Variants in GIPC3 observed in about 807,000 individuals in gnomAD.
The protein encoded by GIPC3 is PDZ domain-containing protein GIPC3.
Under a neutral mutation model 27.3 loss-of-function variants are expected in GIPC3, and 16 were observed. The ratio of observed to expected loss-of-function variants is 0.59; its 90% confidence interval spans 0.40 to 0.89. The LOEUF (loss-of-function observed/expected upper bound fraction) is 0.89. GIPC3 is among the 40% of genes least tolerant of loss of function. GIPC3 has a pLI of 0.00. For synonymous variants in GIPC3, 194 were observed against 184.6 expected, an observed-to-expected ratio of 1.05 and a Z score of -0.41; for missense variants, 440 against 442.1, an observed-to-expected ratio of 1.00 and a Z score of 0.04.
intron 3 of GIPC3, among the ~76,000 whole-genome samples, chr19:3,587,840 G>A (rs1244616798): frequency 4.0e-5 from 6 of 151,184 alleles, no homozygotes; most frequent in South Asian, 2.1e-4. Flanking sequence ...ACAGGCGCCC[G>A]CCACCACACC....
rs1023153068 is a variant in GIPC3, at chr19:3,593,541, A to G, written c.*3351A>G. 7 of 381,730 alleles carry G rather than the reference A, an allele frequency of 1.8e-5. No individual in the cohort carries two copies. The highest frequency in any genetic ancestry group is 4.1e-5 in the African/African-American group (2 of 48,264). The allele number at this position is 381,730 out of a possible 1,614,324, so 23.6% of individuals were successfully genotyped here. A position where few individuals can be genotyped will look rare whatever the true frequency, so the allele number is the denominator to read the frequency against. On this transcript the variant is annotated 3_prime_UTR_variant, in exon 6 of 6. Transcript: ENST00000644452. The stretch of plus-strand genomic sequence containing the variant: ...GAATAAAGGCACCTTCCATCTCTGC[A>G]GCCTGGTGTGTCATTTTGGGGGAAG...
intron 3 of GIPC3, 126 bp downstream of exon 3, chr19:3,587,120 C>CT: frequency 2.5e-6 from 2 of 804,404 alleles, no homozygotes; most frequent in Non-Finnish European, 4.0e-6. Context: ...CAAGGAGCTC[C>CT]TGGCAGGGTA....
rs1430401513 is a variant in GIPC3, at chr19:3,592,928, C to T, written c.*2738C>T. 4.9e-6 allele frequency: 6 copies of T among 1,229,134 alleles called. No homozygotes were observed. The highest frequency in any genetic ancestry group is 4.7e-5 in the African/African-American group (3 of 64,228). The allele number at this position is 1,229,134 out of a possible 1,614,324, so 76.1% of individuals were successfully genotyped here. A position where few individuals can be genotyped will look rare whatever the true frequency, so the allele number is the denominator to read the frequency against. ...CCCCTGCCCCAGCCCAACCTCAGCC[C>T]CCAGGCCCATCCCCCAGAGACCCCA... On this transcript the variant is annotated 3_prime_UTR_variant, in exon 6 of 6. Coordinates refer to ENST00000644452, the MANE Select transcript of GIPC3 (RefSeq NM_133261.3).
chr19:3,586,526 T>C lies in GIPC3; in HGVS notation c.257T>C (p.Val86Ala), dbSNP rs190475420. Residue 86 changes from valine to alanine, a missense_variant, in exon 2 of 6, where the codon GTG (valine) becomes GCG (alanine). By Grantham distance (64) the Val-to-Ala change is moderately conservative (BLOSUM62 0). Transcript: ENST00000644452. ...TTCTGCACCCTCAACAGCCACAAAG[T>C]GGACATGCAGAAGCTCCTGGGGGGT... ...ILFCTLNSHK[V>A]DMQKLLGGQI... The C allele has an allele frequency of 3.7e-6, 6 of 1,613,784 alleles. No individual in the cohort carries two copies. In the Admixed American group the frequency reaches 6.7e-5, roughly 18 times the overall value.
In GIPC3 at chr19:3,585,811, G is replaced by C. The variant is rs528823465; in HGVS notation, c.214G>C (p.Ala72Pro). Residue 72 changes from alanine to proline, a missense_variant, in exon 1 of 6, where the codon GCG (alanine) becomes CCG (proline). Transcript: ENST00000644452. ...YAKIAEAFGI[A>P]PTEILFCTLN... ...CAAGATCGCCGAAGCCTTCGGGATC[G>C]CGCCCACCGAGGTAAGGAGCCCGGA... The C allele has an allele frequency of 2.6e-6, 4 of 1,545,332 alleles. No individual in the cohort carries two copies. The highest frequency in any genetic ancestry group is 2.5e-5 in the East Asian group (1 of 40,660).
chr19:3,586,545 G>T lies in GIPC3; in HGVS notation c.276G>T (p.Leu92=). 6.2e-7 allele frequency: 1 copy of T among 1,613,592 alleles called. No individual in the cohort carries two copies. Among genetic ancestry groups the T allele is most frequent in the Non-Finnish European group, 8.5e-7 (1 of 1,179,854 alleles). The part of the protein sequence containing the change: ...NSHKVDMQKL[L]GGQIGLEDFI... ...ACAAAGTGGACATGCAGAAGCTCCT[G>T]GGGGGTCAGATAGGCCTGGAGGACT... is the stretch of plus-strand genomic sequence containing the variant. Residue 92 remains leucine (L), a synonymous_variant, in exon 2 of 6, where the codon CTG becomes CTT. Coordinates refer to ENST00000644452, the MANE Select transcript of GIPC3 (RefSeq NM_133261.3).
chr19:3,587,958 C>A (rs201711985), intron 3 of GIPC3, among the ~76,000 whole-genome samples: 2 of 149,964 alleles, frequency 1.3e-5, no homozygotes, highest in African/African-American at 2.5e-5. Context: ...CAAAGTGCTG[C>A]GATTACAGGT....
At chr19:3,588,154 G>T (rs939703444) in intron 3 of GIPC3, among the ~76,000 whole-genome samples, 2 of 151,956 alleles carry the variant, frequency 1.3e-5, no homozygotes, top group African/African-American at 4.8e-5. Context: ...ACAGGCATGT[G>T]CCACCATGCC....
Position 3,590,568 on chromosome 19 carries a change from C to T in GIPC3, c.*378C>T, listed in dbSNP as rs760077433. 1.7e-4 allele frequency: 228 copies of T among 1,336,616 alleles called. No individual in the cohort carries two copies. The highest frequency in any genetic ancestry group is 2.1e-4 in the Non-Finnish European group (217 of 1,048,494). The allele number at this position is 1,336,616 out of a possible 1,614,324, so 82.8% of individuals were successfully genotyped here. On this transcript the variant is annotated 3_prime_UTR_variant, in exon 6 of 6. Coordinates refer to ENST00000644452, the MANE Select transcript of GIPC3 (RefSeq NM_133261.3). The stretch of plus-strand genomic sequence containing the variant: ...TGAGGCCAAGCCCAGCTCTAGAACC[C>T]AGATGAGCTCTGAGACCATGCCCAG...
rs1321208549 is a variant in GIPC3 at position 3,585,672 on chromosome 19, G to T, written c.75G>T (p.Ser25=). Residue 25 remains serine (S), a synonymous_variant, in exon 1 of 6, where the codon TCG becomes TCT. Coordinates refer to ENST00000644452, the MANE Select transcript of GIPC3 (RefSeq NM_133261.3). ...CGTCTGCGCCCCCGCCCGCGCCCTC[G>T]GAGCCCCCGGCCGCGCCCCGCGCCC... ...PRASAPPPAP[S]EPPAAPRARP... is the part of the protein sequence containing the mutation. The T allele has an allele frequency of 1.0e-5, 13 of 1,296,038 alleles. No homozygotes were observed. The highest frequency in any genetic ancestry group is 1.2e-5 in the Non-Finnish European group (12 of 1,020,016). 80.3% of individuals were successfully genotyped at this position (1,296,038 alleles called of 1,614,324 possible).
In GIPC3 at chr19:3,592,450, C is replaced by G; in HGVS notation, c.*2260C>G. The stretch of plus-strand genomic sequence containing the variant: ...CTGATTTCCGGAGCCCAACCCAGCT[C>G]CAGAACTCAGACTAGTTCTGGAAAC... On this transcript the variant is annotated 3_prime_UTR_variant, in exon 6 of 6. Coordinates refer to ENST00000644452, the MANE Select transcript of GIPC3 (RefSeq NM_133261.3). 1 of 1,231,978 alleles carries G rather than the reference C, an allele frequency of 8.1e-7. No individual in the cohort carries two copies. Among genetic ancestry groups the G allele is most frequent in the East Asian group, 3.2e-5 (1 of 31,694 alleles). 76.3% of individuals were successfully genotyped at this position (1,231,978 alleles called of 1,614,324 possible).
rs1000020360 is a variant in GIPC3 at position 3,593,153 on chromosome 19, C to G, written c.*2963C>G. On this transcript the variant is annotated 3_prime_UTR_variant, in exon 6 of 6. Transcript: ENST00000644452. ...GACCCCAGAAGTCCACCCCACCCAC[C>G]ATATCTGTCACTCCTAGTCCTGCCC... is the stretch of plus-strand genomic sequence containing the variant. 8.1e-7 allele frequency: 1 copy of G among 1,232,280 alleles called. No individual in the cohort carries two copies. The highest frequency in any genetic ancestry group is 1.6e-5 in the African/African-American group (1 of 64,414). The allele number at this position is 1,232,280 out of a possible 1,614,324, so 76.3% of individuals were successfully genotyped here. A position where few individuals can be genotyped will look rare whatever the true frequency, so the allele number is the denominator to read the frequency against.
In GIPC3 at chr19:3,592,388, A is replaced by T; in HGVS notation, c.*2198A>T. 4 of 1,231,884 alleles carry T rather than the reference A, an allele frequency of 3.2e-6. No individual in the cohort carries two copies. The South Asian group carries it at 1.6e-4, about 51-fold the overall frequency. 76.3% of individuals were successfully genotyped at this position (1,231,884 alleles called of 1,614,324 possible). A position where few individuals can be genotyped will look rare whatever the true frequency, so the allele number is the denominator to read the frequency against. The stretch of plus-strand genomic sequence containing the variant: ...GGACCCAGATAAGCTCAAGAATTCA[A>T]GCCAGCTCTGGAAGTCAGCTTAGTT... On this transcript the variant is annotated 3_prime_UTR_variant, in exon 6 of 6. Transcript: ENST00000644452.
intron 3 of GIPC3, among the ~76,000 whole-genome samples, chr19:3,587,716 A>C (rs1390554849): frequency 1.4e-3 from 1 of 700 alleles, no homozygotes; most frequent in Non-Finnish European, 3.4e-3. Context: ...TTTGAGACGG[A>C]GTCTAGCTCT....
chr19:3,590,079 C>T lies in GIPC3; in HGVS notation c.828C>T (p.Ala276=), dbSNP rs772373224. The T allele has an allele frequency of 3.7e-6, 6 of 1,611,450 alleles. No individual in the cohort carries two copies. The highest frequency in any genetic ancestry group is 3.3e-4 in the Middle Eastern group (2 of 6,076). The change falls in exon 6 of 6, where the codon GCC becomes GCT. Residue 276 remains alanine, a synonymous_variant. Coordinates refer to ENST00000644452, the MANE Select transcript of GIPC3 (RefSeq NM_133261.3). ...AGACGTCCAAGAAGACAGCGAGCGC[C>T]CAGGAGTTTGCACGCTGTTTAGACT... The part of the protein sequence containing the change: ...MVETSKKTAS[A]QEFARCLDSV...
In GIPC3 at chr19:3,590,774, C is replaced by A. The variant is rs1248342997; in HGVS notation, c.*584C>A. On this transcript the variant is annotated 3_prime_UTR_variant, in exon 6 of 6. Transcript: ENST00000644452. The stretch of plus-strand genomic sequence containing the variant: ...AGATGGGCTCTGAGACCGAGCCCAG[C>A]TCTAGAACTCAGATGGGCTCTGAGA... 3.2e-6 allele frequency: 4 copies of A among 1,234,904 alleles called. No homozygotes were observed. The East Asian group carries it at 1.3e-4, about 39-fold the overall frequency. The allele number at this position is 1,234,904 out of a possible 1,614,324, so 76.5% of individuals were successfully genotyped here. A position where few individuals can be genotyped will look rare whatever the true frequency, so the allele number is the denominator to read the frequency against.
In GIPC3 at chr19:3,585,837, C is replaced by T; in HGVS notation, c.225+15C>T. ...CGCCCACCGAGGTAAGGAGCCCGGA[C>T]ACCGGCGCCCAAGACCACCCGCCTG... On this transcript the variant is annotated intron_variant, in intron 1 of 5. Transcript: ENST00000644452. The T allele has an allele frequency of 6.5e-7, 1 of 1,539,028 alleles. No homozygotes were observed.
rs969668918 is a variant in GIPC3, at chr19:3,588,640, C to CAAAAAAA, written c.593-790_593-784dup. Reference sequence around the variant, plus strand: ...CCTGAGGTCAGGTGATCCATCGTATCAAAAAAAAAAAAAAAAAAACCTGGC... The same window carrying CAAAAAAA: ...CCTGAGGTCAGGTGATCCATCGTATCAAAAAAAAAAAAAAAAAAAAAAAAAACCTGGC... On this transcript the variant is annotated intron_variant, in intron 3 of 5. Coordinates refer to ENST00000644452, the MANE Select transcript of GIPC3 (RefSeq NM_133261.3). Among the ~76,000 whole-genome samples, 364 of 73,964 alleles carry CAAAAAAA rather than the reference C, an allele frequency of 4.9e-3. 6 individuals are homozygous for CAAAAAAA. Among genetic ancestry groups the CAAAAAAA allele is most frequent in the African/African-American group, 0.015 (331 of 21,700 alleles). The allele number at this position is 73,964 out of a possible 152,430, so 48.5% of individuals were successfully genotyped here. A position where few individuals can be genotyped will look rare whatever the true frequency, so the allele number is the denominator to read the frequency against.
rs760709285 is a variant in GIPC3 at position 3,586,447 on chromosome 19, G to C, written c.226-48G>C. Reference sequence around the variant, plus strand: ...CCTGCGCAGACAGGGTGGCTGCGTGGGGGGATGCATGCCCTGGCTAACTCT... The same window carrying C: ...CCTGCGCAGACAGGGTGGCTGCGTGCGGGGATGCATGCCCTGGCTAACTCT... On this transcript the variant is annotated intron_variant, in intron 1 of 5. Coordinates refer to ENST00000644452, the MANE Select transcript of GIPC3 (RefSeq NM_133261.3). 6 of 1,562,144 alleles carry C rather than the reference G, an allele frequency of 3.8e-6. No individual in the cohort carries two copies. In the Admixed American group the frequency reaches 1.0e-4, roughly 26 times the overall value.
Sources: allele counts gnomAD v4.1 joint callset (sites outside exome capture counted in the v4.1 genomes callset), GRCh38; gene constraint gnomAD v4.1.1; transcripts MANE v1.5; gene names NCBI Gene and HGNC (gene_info 2026-07-23, HGNC 2026-07-21).